Variants in AUTS2 observed in about 807,000 individuals in gnomAD.
The protein encoded by AUTS2 is activator of transcription and developmental regulator AUTS2.
In AUTS2, 17 loss-of-function variants were observed where a neutral mutation model predicts 112.4. That is an observed-to-expected ratio of 0.15 (90% CI 0.10 to 0.23). The LOEUF (loss-of-function observed/expected upper bound fraction) is 0.23. AUTS2 is among the 10% of genes least tolerant of loss of function. The pLI is 1.00. For synonymous variants in AUTS2, 751 were observed against 702.7 expected (o/e 1.07, Z -1.09); for missense variants, 1,510 against 1,701.6 (o/e 0.89, Z 1.98).
At chr7:69,621,227 G>A (rs1371031676) in intron 1 of AUTS2, among the ~76,000 whole-genome samples, 2 of 152,150 alleles carry the variant, frequency 1.3e-5, no homozygotes, top group Non-Finnish European at 2.9e-5. Context: ...TTACACCCAA[G>A]GACGAGTGTG....
chr7:70,787,247 G>A lies in AUTS2; in HGVS notation c.2347G>A (p.Val783Met), dbSNP rs773739644. Residue 783 changes from valine to methionine, a missense_variant, in exon 18 of 19, where the codon GTG becomes ATG. Transcript: ENST00000342771. ...SMFGHKDGPS[V>M]QNFSNPHEPW... is the part of the protein sequence containing the mutation. ...GTTCGGCCACAAGGATGGCCCCAGT[G>A]TGCAGAACTTTAGCAACCCTCACGA... The A allele has an allele frequency of 2.5e-6, 4 of 1,614,224 alleles. No individual in the cohort carries two copies. The highest frequency in any genetic ancestry group is 3.3e-5 in the Admixed American group (2 of 60,034).
At chr7:70,667,882 G>A (rs1362573254) in intron 5 of AUTS2, among the ~76,000 whole-genome samples, 7 of 152,152 alleles carry the variant, frequency 4.6e-5, no homozygotes, top group East Asian at 1.9e-4. Context: ...CCTAATTCTC[G>A]GCCCCTTCTT....
intron 2 of AUTS2, among the ~76,000 whole-genome samples, chr7:70,051,794 G>GT (rs1801768382): frequency 6.6e-6 from 1 of 152,172 alleles, no homozygotes; most frequent in Non-Finnish European, 1.5e-5. Context: ...TTTAAGTGTG[G>GT]TTTATGATGT....
chr7:70,558,527 A>T (rs1801344927), intron 5 of AUTS2, among the ~76,000 whole-genome samples: 1 of 152,154 alleles, frequency 6.6e-6, no homozygotes, highest in African/African-American at 2.4e-5. Flanking sequence ...TCAAGAGAAG[A>T]TGAAATAAAG....
chr7:69,639,925 A>G (rs1794726810), intron 1 of AUTS2, among the ~76,000 whole-genome samples: 1 of 152,180 alleles, frequency 6.6e-6, no homozygotes. Flanking sequence ...TATCTCTTAC[A>G]GTCTTAGAGA....
chr7:70,712,990 C>G (rs994864224), intron 6 of AUTS2, among the ~76,000 whole-genome samples: 4 of 152,210 alleles, frequency 2.6e-5, no homozygotes, highest in Non-Finnish European at 5.9e-5. Context: ...CCAATCCTTC[C>G]ACTCTCTATA....
intron 5 of AUTS2, among the ~76,000 whole-genome samples, chr7:70,589,190 G>A (rs1802822001): frequency 6.6e-6 from 1 of 152,204 alleles, no homozygotes; most frequent in Admixed American, 6.5e-5. Context: ...TGCACTGCGA[G>A]ACATGAGTGG....
chr7:69,678,867 A>G (rs903976806), intron 1 of AUTS2, among the ~76,000 whole-genome samples: 8 of 152,384 alleles, frequency 5.2e-5, no homozygotes, highest in South Asian at 2.1e-4. Context: ...GACATGGCTT[A>G]GAAGAGAGAT....
chr7:69,614,069 G>C (rs1793190568), intron 1 of AUTS2, among the ~76,000 whole-genome samples: 2 of 152,112 alleles, frequency 1.3e-5, no homozygotes, highest in African/African-American at 4.8e-5. Context: ...ACTGCATTTA[G>C]AGTACTGTAC....
chr7:69,681,682 C>G (rs1796805301), intron 1 of AUTS2, among the ~76,000 whole-genome samples: 1 of 152,314 alleles, frequency 6.6e-6, no homozygotes, highest in Middle Eastern at 3.4e-3. Flanking sequence ...GGTTATGCTT[C>G]TCTCTATTTC....
chr7:69,966,805 C>G (rs917499465), intron 2 of AUTS2, among the ~76,000 whole-genome samples: 2 of 152,020 alleles, frequency 1.3e-5, no homozygotes, highest in African/African-American at 4.8e-5. Flanking sequence ...CCATTTCACA[C>G]TTTTTCTTGG....
At chr7:70,232,925 T>A (rs948859451) in intron 4 of AUTS2, among the ~76,000 whole-genome samples, 1 of 152,240 alleles carries the variant, frequency 6.6e-6, no homozygotes, top group Non-Finnish European at 1.5e-5. Flanking sequence ...GTATGCTTTT[T>A]AAAAATAGTA....
intron 5 of AUTS2, among the ~76,000 whole-genome samples, chr7:70,531,193 A>G: frequency 1.7e-5 from 1 of 57,460 alleles, no homozygotes; most frequent in Non-Finnish European, 3.4e-5. Context: ...AAATCAGAAT[A>G]TACATTTCAT....
Position 70,141,742 on chromosome 7 carries a change from C to T in AUTS2, c.660+7171C>T, listed in dbSNP as rs531076584. Among the ~76,000 whole-genome samples the T allele has an allele frequency of 9.2e-5, 14 of 152,244 alleles. No individual in the cohort carries two copies. In the East Asian group the frequency reaches 2.1e-3, roughly 23 times the overall value. ...GTATTTCCCATGTCTAATTCTTACCCTTTTTTGGTCATGTTTTTGATCTGT... is the reference window on the plus strand; with the variant it reads ...GTATTTCCCATGTCTAATTCTTACCTTTTTTTGGTCATGTTTTTGATCTGT... On this transcript the variant is annotated intron_variant, in intron 4 of 18. Coordinates refer to ENST00000342771, the MANE Select transcript of AUTS2 (RefSeq NM_015570.4).
rs375330751 is a variant in AUTS2, at chr7:69,793,709, T to A, written c.310-105577T>A. Among the ~76,000 whole-genome samples the A allele has an allele frequency of 3.3e-5, 5 of 152,278 alleles. No individual in the cohort carries two copies. In the East Asian group the frequency reaches 9.7e-4, roughly 29 times the overall value. ...AACCCTATAACAATCAGATCAGAACTTCTGGAATTTGGACAGAGACAGCAT... is the reference window on the plus strand; with the variant it reads ...AACCCTATAACAATCAGATCAGAACATCTGGAATTTGGACAGAGACAGCAT... On this transcript the variant is annotated intron_variant, in intron 1 of 18. Coordinates refer to ENST00000342771, the MANE Select transcript of AUTS2 (RefSeq NM_015570.4).
At chr7:70,785,327 G>A (rs1353611664) in intron 16 of AUTS2, 1 of 586,546 alleles carries the variant, frequency 1.7e-6, no homozygotes, top group East Asian at 3.8e-5. Flanking sequence ...ACAACAGCCT[G>A]TTCCTGCCCA....
chr7:70,448,194 C>T (rs189729726), intron 5 of AUTS2, among the ~76,000 whole-genome samples: 16 of 152,162 alleles, frequency 1.1e-4, no homozygotes, highest in South Asian at 8.3e-4. Flanking sequence ...CCTCTCTAGC[C>T]GCCTCATCGC....
chr7:70,178,019 G>A (rs1038324248), intron 4 of AUTS2, among the ~76,000 whole-genome samples: 12 of 151,474 alleles, frequency 7.9e-5, no homozygotes, highest in African/African-American at 1.7e-4. Context: ...GGGTTCAAGC[G>A]ATTCTCCTGC....
chr7:70,556,944 T>C (rs1352066291), intron 5 of AUTS2, among the ~76,000 whole-genome samples: 1 of 152,182 alleles, frequency 6.6e-6, no homozygotes, highest in East Asian at 1.9e-4. Flanking sequence ...AACCCAACTT[T>C]AGTCTAGTCT....
Sources: gnomAD v4.1 joint callset for allele counts (sites outside exome capture counted in the v4.1 genomes callset) on GRCh38, gnomAD v4.1.1 for gene constraint, MANE v1.5 for transcripts, NCBI Gene and HGNC (gene_info 2026-07-23, HGNC 2026-07-21) for gene names.